The following PPFIA2 variants were observed in gnomAD, a reference collection of about 807,000 sequenced individuals.
The protein encoded by PPFIA2 is liprin-alpha-2.
Under a neutral mutation model 175.5 loss-of-function variants are expected in PPFIA2, and 46 were observed. That is an observed-to-expected ratio of 0.26 (90% CI 0.21 to 0.34). The LOEUF is 0.34. Ranked by LOEUF, PPFIA2 falls within the 10% of genes least tolerant of loss-of-function variation. The pLI, the probability that PPFIA2 is intolerant of heterozygous loss-of-function variation, is 1.00. For synonymous variants in PPFIA2, 568 were observed against 511.4 expected (o/e 1.11, Z -1.49); for missense variants, 1,179 against 1,506.1 (o/e 0.78, Z 3.60).
chr12:81,460,745 T>A (rs1414141214), intron 4 of PPFIA2, among the ~76,000 whole-genome samples: 2 of 152,142 alleles, frequency 1.3e-5, no homozygotes, highest in Admixed American at 1.3e-4. Context: ...AGGGTTAACA[T>A]TGATTGCAAA....
At chr12:81,443,049 G>C (rs904006908) in intron 6 of PPFIA2, among the ~76,000 whole-genome samples, 3 of 150,312 alleles carry the variant, frequency 2.0e-5, no homozygotes, top group African/African-American at 7.3e-5. Flanking sequence ...CAAGCATCTG[G>C]ATCAACAGTA....
rs1024914596 is a variant in PPFIA2 at position 81,344,645 on chromosome 12, TAA to T, written c.2262+17_2262+18del. 2 of 1,528,350 alleles carry T rather than the reference TAA, an allele frequency of 1.3e-6. No individual in the cohort carries two copies. Among genetic ancestry groups the T allele is most frequent in the African/African-American group, 2.7e-5 (2 of 72,806 alleles). The allele number at this position is 1,528,350 out of a possible 1,614,324, so 94.7% of individuals were successfully genotyped here. On this transcript the variant is annotated intron_variant, in intron 19 of 32. Coordinates refer to ENST00000549396, the MANE Select transcript of PPFIA2 (RefSeq NM_003625.5). The stretch of plus-strand genomic sequence containing the variant: ...AAACAGTATTCAATTCGTAATGATG[TAA>T]AAGTTATTTACTGTACCTTTCTCCG...
intron 7 of PPFIA2, chr12:81,431,321 T>C (rs1318032446): frequency 6.6e-6 from 1 of 152,196 alleles, no homozygotes; most frequent in Non-Finnish European, 1.5e-5. Context: ...TACTTCCCTT[T>C]ATTGTGCTTT....
At chr12:81,398,110 C>T (rs2041476378) in intron 8 of PPFIA2, among the ~76,000 whole-genome samples, 1 of 151,954 alleles carries the variant, frequency 6.6e-6, no homozygotes, top group Non-Finnish European at 1.5e-5. Flanking sequence ...CATCCTGAAA[C>T]CATCCCCAAC....
At chr12:81,346,053 C>T (rs905998814) in intron 18 of PPFIA2, among the ~76,000 whole-genome samples, 5 of 152,180 alleles carry the variant, frequency 3.3e-5, no homozygotes, top group East Asian at 1.9e-4. Flanking sequence ...TAACTGTCTT[C>T]TTTTTAAAAA....
At chr12:81,598,438 T>G in intron 4 of PPFIA2, 2 of 918,780 alleles carry the variant, frequency 2.2e-6, no homozygotes, top group Non-Finnish European at 2.6e-6. Flanking sequence ...GGTTAACCAA[T>G]AACATACAGT....
chr12:81,584,456 A>G (rs1045105852), intron 4 of PPFIA2, among the ~76,000 whole-genome samples: 6 of 151,804 alleles, frequency 4.0e-5, no homozygotes, highest in African/African-American at 7.2e-5. Context: ...TAAAAAGAGC[A>G]GAATAATAAT....
intron 4 of PPFIA2, among the ~76,000 whole-genome samples, chr12:81,563,460 G>C (rs2070631526): frequency 6.6e-6 from 1 of 152,074 alleles, no homozygotes; most frequent in Admixed American, 6.5e-5. Flanking sequence ...ACTTGCTTGT[G>C]GAAAAACGTG....
intron 4 of PPFIA2, among the ~76,000 whole-genome samples, chr12:81,663,770 A>C (rs1022546270): frequency 6.6e-6 from 1 of 151,848 alleles, no homozygotes; most frequent in Non-Finnish European, 1.5e-5. Flanking sequence ...GAGGCATCAC[A>C]CTACCTGACT....
intron 22 of PPFIA2, among the ~76,000 whole-genome samples, chr12:81,312,801 G>A (rs538003384): frequency 2.2e-4 from 33 of 152,092 alleles, no homozygotes; most frequent in Non-Finnish European, 3.8e-4. Flanking sequence ...GATCCATAAT[G>A]TTATTATTCC....
chr12:81,630,481 A>G (rs1233978738), intron 4 of PPFIA2, among the ~76,000 whole-genome samples: 1 of 152,204 alleles, frequency 6.6e-6, no homozygotes, highest in African/African-American at 2.4e-5. Context: ...ATGATGAAGA[A>G]TTCCCTGAGG....
At chr12:81,412,585 A>G (rs2044186913) in intron 7 of PPFIA2, among the ~76,000 whole-genome samples, 1 of 151,914 alleles carries the variant, frequency 6.6e-6, no homozygotes, top group African/African-American at 2.4e-5. Context: ...ATCAGGTACA[A>G]GTAGTTTGAA....
intron 4 of PPFIA2, among the ~76,000 whole-genome samples, chr12:81,534,949 T>A (rs185467888): frequency 2.7e-3 from 404 of 151,828 alleles, no homozygotes; most frequent in Admixed American, 3.9e-3. Flanking sequence ...GGTTTCCTGC[T>A]TCCCCCAGTA....
At chr12:81,467,228 T>C (rs1298517200) in intron 4 of PPFIA2, among the ~76,000 whole-genome samples, 2 of 152,298 alleles carry the variant, frequency 1.3e-5, no homozygotes, top group Admixed American at 1.3e-4. Flanking sequence ...TATATCTTAC[T>C]GTACCCCTCT....
chr12:81,292,039 T>A (rs1158533374), intron 24 of PPFIA2, among the ~76,000 whole-genome samples: 3 of 152,090 alleles, frequency 2.0e-5, no homozygotes, highest in African/African-American at 7.2e-5. Context: ...GGTTAAATAG[T>A]TTTAGAAAAA....
intron 3 of PPFIA2, among the ~76,000 whole-genome samples, chr12:81,678,800 C>A (rs781051562): frequency 7.9e-5 from 12 of 151,820 alleles, no homozygotes; most frequent in Admixed American, 2.0e-4. Context: ...TCTCTGCCTG[C>A]AATTCAGCTT....
intron 3 of PPFIA2, among the ~76,000 whole-genome samples, chr12:81,711,622 C>T (rs1279502286): frequency 6.6e-6 from 1 of 151,224 alleles, no homozygotes; most frequent in East Asian, 2.0e-4. Flanking sequence ...TGTCCCATTT[C>T]CACATAGTTT....
intron 8 of PPFIA2, among the ~76,000 whole-genome samples, chr12:81,389,602 T>C (rs1180697721): frequency 6.6e-6 from 1 of 152,092 alleles, no homozygotes; most frequent in Non-Finnish European, 1.5e-5. Flanking sequence ...GATTGTATCG[T>C]GAGCTTACTG....
chr12:81,641,476 T>C lies in PPFIA2; in HGVS notation c.303+35315A>G, dbSNP rs73364547. On this transcript the variant is annotated intron_variant, in intron 4 of 32. Transcript: ENST00000549396. ...CGGTGATTGACTGTGGCCCAAAGAA[T>C]GCCCCAGAAGTGAGGCTGTATGAGT... Among the ~76,000 whole-genome samples the C allele has an allele frequency of 2.0e-3, 297 of 152,286 alleles. 1 individual carries two copies. The highest frequency in any genetic ancestry group is 6.9e-3 in the African/African-American group (288 of 41,550).
Sources: allele counts gnomAD v4.1 joint callset (sites outside exome capture counted in the v4.1 genomes callset), GRCh38; gene constraint gnomAD v4.1.1; transcripts MANE v1.5; gene names NCBI Gene and HGNC (gene_info 2026-07-23, HGNC 2026-07-21).